The following ABL1 variants were observed in gnomAD, a reference collection of about 807,000 sequenced individuals.
ABL1 encodes ABL proto-oncogene 1, non-receptor tyrosine kinase, also known as tyrosine-protein kinase ABL1.
Under a neutral mutation model 94.7 loss-of-function variants are expected in ABL1, and 11 were observed. That is an observed-to-expected ratio of 0.12 (90% confidence interval 0.07 to 0.19). The LOEUF is 0.19. Ranked by LOEUF, ABL1 falls within the 10% of genes least tolerant of loss-of-function variation. The probability of loss-of-function intolerance (pLI) is 1.00; values close to 1 mark genes in which losing one functional copy is unlikely to be tolerated. For missense variants in ABL1, 1,082 were observed against 1,489.4 expected (o/e 0.73, Z 4.50); for synonymous variants, 656 against 622.4 (o/e 1.05, Z -0.80).
intron 1 of ABL1, among the ~76,000 whole-genome samples, chr9:130,793,058 T>G (rs947431586): frequency 6.6e-6 from 1 of 152,166 alleles, no homozygotes; most frequent in East Asian, 1.9e-4. Flanking sequence ...CCCGAGTAGC[T>G]GGGATTACAG....
chr9:130,785,847 C>T (rs1829818607), intron 1 of ABL1, among the ~76,000 whole-genome samples: 3 of 149,682 alleles, frequency 2.0e-5, no homozygotes, highest in African/African-American at 7.4e-5. Context: ...CGCTTGAACC[C>T]GGGAGATGGT....
At chr9:130,727,910 T>C (rs1831608959) in intron 1 of ABL1, among the ~76,000 whole-genome samples, 1 of 151,820 alleles carries the variant, frequency 6.6e-6, no homozygotes, top group Admixed American at 6.6e-5. Context: ...ATGGAAATGA[T>C]CAATAAAACC....
rs1424868687 is a variant in ABL1 at position 130,884,931 on chromosome 9, T to G, written c.2641T>G (p.Ser881Ala). 1 of 1,611,504 alleles carries G rather than the reference T, an allele frequency of 6.2e-7. No homozygotes were observed. The highest frequency in any genetic ancestry group is 8.5e-7 in the Non-Finnish European group (1 of 1,179,580). The change falls in exon 11 of 11, where the codon TCC (serine) becomes GCC (alanine). Residue 881 changes from serine (S) to alanine (A), a missense_variant. Physicochemically the swap from Ser to Ala is moderately conservative, Grantham distance 99. This residue lies in a region of ABL1 where 780 missense variants were observed against 835.8 expected (regional missense o/e 0.93). Coordinates refer to ENST00000318560, the MANE Select transcript of ABL1 (RefSeq NM_005157.6). This position sits in a 1 kb window ranked among gnomAD's most constrained non-coding sequence, Gnocchi z 5.6. ...GTCCAGAGTGAGGAGGCACAAGCACTCCTCTGAGTCGCCAGGGAGGGACAA... is the reference window on the plus strand; with the variant it reads ...GTCCAGAGTGAGGAGGCACAAGCACGCCTCTGAGTCGCCAGGGAGGGACAA... ...EESRVRRHKH[S>A]SESPGRDKGK...
chr9:130,782,499 G>A (rs184009617), intron 1 of ABL1, among the ~76,000 whole-genome samples: 8 of 152,302 alleles, frequency 5.3e-5, no homozygotes, highest in Admixed American at 5.2e-4. Context: ...TCCAAAGTTT[G>A]TCTACCCAGT....
rs552022142 is a variant in ABL1 at position 130,823,246 on chromosome 9, G to A, written c.137-30818G>A. Reference sequence around the variant, plus strand: ...TTTTTTAGGAGCTGGACACTGGGCTGCATGTTTCACGGGGATGATTTGGGT... The same window carrying A: ...TTTTTTAGGAGCTGGACACTGGGCTACATGTTTCACGGGGATGATTTGGGT... On this transcript the variant is annotated intron_variant, in intron 1 of 10. Transcript: ENST00000372348. 2.6e-5 allele frequency among the ~76,000 whole-genome samples: 4 copies of A among 152,260 alleles called. No homozygotes were observed. In the South Asian group the frequency reaches 8.3e-4, roughly 32 times the overall value.
intron 1 of ABL1, among the ~76,000 whole-genome samples, chr9:130,849,570 G>A (rs1164081471): frequency 6.6e-6 from 1 of 152,116 alleles, no homozygotes; most frequent in East Asian, 1.9e-4. Flanking sequence ...CCCAGGCAGA[G>A]TGCAGTGCCG....
intron 1 of ABL1, among the ~76,000 whole-genome samples, chr9:130,739,425 C>T (rs1260700242): frequency 6.6e-6 from 1 of 150,408 alleles, no homozygotes. Context: ...TGGAGAAAAA[C>T]CTTCAGGAAA....
chr9:130,832,306 G>T (rs1588257238), upstream of ABL1, among the ~76,000 whole-genome samples: 1 of 144,810 alleles, frequency 6.9e-6, no homozygotes, highest in Admixed American at 6.9e-5. Flanking sequence ...TGTACTTTTA[G>T]TAGAGATGGG....
intron 8 of ABL1, among the ~76,000 whole-genome samples, chr9:130,879,268 G>GTATT (rs1831410965): frequency 6.6e-6 from 1 of 152,150 alleles, no homozygotes; most frequent in African/African-American, 2.4e-5. Flanking sequence ...ATCTTATAAG[G>GTATT]TATTTATATG....
intron 1 of ABL1, among the ~76,000 whole-genome samples, chr9:130,728,247 T>G (rs1016395753): frequency 2.0e-5 from 3 of 149,516 alleles, no homozygotes; most frequent in South Asian, 2.1e-4. Flanking sequence ...TTTTTTTTTT[T>G]TGTGGAGACG....
At chr9:130,845,096 G>T (rs1404101114) in intron 1 of ABL1, among the ~76,000 whole-genome samples, 1 of 152,064 alleles carries the variant, frequency 6.6e-6, no homozygotes, top group Non-Finnish European at 1.5e-5. Flanking sequence ...ATTAGTGAGA[G>T]GTCCAAATTA....
rs1046519007 is a variant in ABL1, at chr9:130,862,632, T to C, written c.550-131T>C. The C allele has an allele frequency of 1.6e-5, 16 of 977,522 alleles. 1 individual carries two copies. Among genetic ancestry groups the C allele is most frequent in the South Asian group, 3.4e-5 (2 of 59,506 alleles). The allele number at this position is 977,522 out of a possible 1,614,324, so 60.6% of individuals were successfully genotyped here. A position where few individuals can be genotyped will look rare whatever the true frequency, so the allele number is the denominator to read the frequency against. On this transcript the variant is annotated intron_variant, in intron 3 of 10. Coordinates refer to ENST00000318560, the MANE Select transcript of ABL1 (RefSeq NM_005157.6). This position sits in a 1 kb window ranked among gnomAD's most constrained non-coding sequence, Gnocchi z 5.5. ...AGCAGAAGTGATCTTCTAAACACTCTGTCCTGTGTGGAGAGCTCCTTATGT... is the reference window on the plus strand; with the variant it reads ...AGCAGAAGTGATCTTCTAAACACTCCGTCCTGTGTGGAGAGCTCCTTATGT...
rs57339049 is a variant in ABL1 at position 130,771,752 on chromosome 9, CTT to C, written c.136+57315_136+57316del. On this transcript the variant is annotated intron_variant, in intron 1 of 10. Coordinates refer to the ABL1 transcript ENST00000372348. ...TGACTTTTTCTTTCTTTCTTTCTTT[CTT>C]TTTTTTTTTTTTTTTTTGAGACAGA... is the stretch of plus-strand genomic sequence containing the variant. Among the ~76,000 whole-genome samples the C allele has an allele frequency of 1.5e-3, 161 of 106,890 alleles. 2 individuals are homozygous for C. In the East Asian group the frequency reaches 0.023, roughly 15 times the overall value. The allele number at this position is 106,890 out of a possible 152,430, so 70.1% of individuals were successfully genotyped here.
intron 1 of ABL1, among the ~76,000 whole-genome samples, chr9:130,715,705 G>A (rs934888701): frequency 6.6e-6 from 1 of 152,174 alleles, no homozygotes; most frequent in African/African-American, 2.4e-5. Context: ...CAGACTTTTT[G>A]GAGAGCTTTG....
chr9:130,880,480 T>C lies in ABL1; in HGVS notation c.1514-20T>C, dbSNP rs753920323. The C allele has an allele frequency of 4.4e-5, 71 of 1,613,030 alleles. No individual in the cohort carries two copies. The highest frequency in any genetic ancestry group is 1.6e-4 in the Middle Eastern group (1 of 6,066). ...CTGATGGCTGCTGGATTTTTGTTTC[T>C]GTCCCTGTATGATTCTTAGAAGTGG... On this transcript the variant is annotated intron_variant, in intron 9 of 10. Coordinates refer to ENST00000318560, the MANE Select transcript of ABL1 (RefSeq NM_005157.6). The surrounding 1 kb of genome is among the most constrained non-coding windows in gnomAD (Gnocchi z 4.4).
intron 1 of ABL1, among the ~76,000 whole-genome samples, chr9:130,744,236 G>A (rs970402066): frequency 1.3e-5 from 2 of 151,670 alleles, no homozygotes; most frequent in Non-Finnish European, 2.9e-5. Flanking sequence ...TCTGCCTCCC[G>A]GGTTCAAGAG....
At chr9:130,865,746 CAAAAA>C (rs36055589) in intron 4 of ABL1, among the ~76,000 whole-genome samples, 4 of 61,686 alleles carry the variant, frequency 6.5e-5, no homozygotes, top group African/African-American at 1.1e-4. Flanking sequence ...ACCCTGTCTC[CAAAAA>C]AAAAAAAAAA....
intron 1 of ABL1, among the ~76,000 whole-genome samples, chr9:130,781,105 C>T (rs1308462911): frequency 6.6e-6 from 1 of 152,142 alleles, no homozygotes; most frequent in Non-Finnish European, 1.5e-5. Context: ...GCAGTAATGG[C>T]CCCAAACAGA....
At chr9:130,841,306 A>G (rs1369502302) in intron 1 of ABL1, among the ~76,000 whole-genome samples, 1 of 151,396 alleles carries the variant, frequency 6.6e-6, no homozygotes, top group Admixed American at 6.6e-5. Context: ...CGGGGGTTTC[A>G]CCATGTTAGC....
Sources: allele counts gnomAD v4.1 joint callset (sites outside exome capture counted in the v4.1 genomes callset), GRCh38; gene constraint gnomAD v4.1.1; regional missense constraint gnomAD v4.1.1; non-coding constraint Gnocchi (gnomAD v3.1); transcripts MANE v1.5; gene names NCBI Gene and HGNC (gene_info 2026-07-23, HGNC 2026-07-21).